HIVEP1: variants seen among roughly 807,000 people sequenced by gnomAD.
HIVEP1 encodes the protein zinc finger protein 40.
Under a neutral mutation model 180.0 loss-of-function variants are expected in HIVEP1, and 36 were observed. That is an observed-to-expected ratio of 0.20 (90% CI 0.15 to 0.26). HIVEP1 has a LOEUF of 0.26. HIVEP1 is among the 10% of genes least tolerant of loss of function. The probability of loss-of-function intolerance (pLI) is 1.00; values close to 1 mark genes in which losing one functional copy is unlikely to be tolerated. For synonymous variants in HIVEP1, 1,239 were observed against 1,239.0 expected (o/e 1.00, Z 0.00); for missense variants, 3,143 against 3,268.7 (o/e 0.96, Z 0.94).
chr6:12,050,016 A>G (rs1158900013), intron 2 of HIVEP1, among the ~76,000 whole-genome samples: 1 of 152,160 alleles, frequency 6.6e-6, no homozygotes, highest in Non-Finnish European at 1.5e-5. Context: ...GGAGGTGCTC[A>G]GAGTCTGCCC....
chr6:12,086,888 G>A (rs1299025448), intron 2 of HIVEP1, among the ~76,000 whole-genome samples: 1 of 152,078 alleles, frequency 6.6e-6, no homozygotes, highest in African/African-American at 2.4e-5. Context: ...AGAGCGTGTA[G>A]TAAATGACTA....
chr6:12,129,615 A>C, intron 4 of HIVEP1, 144 bp from the exon 5 acceptor site: 3 of 721,786 alleles, frequency 4.2e-6, no homozygotes, highest in Non-Finnish European at 5.1e-6. Flanking sequence ...GATAAAGTAA[A>C]TGCCCTTTGA....
intron 3 of HIVEP1, among the ~76,000 whole-genome samples, chr6:12,109,997 A>C (rs893210700): frequency 2.0e-5 from 3 of 152,214 alleles, no homozygotes; most frequent in African/African-American, 7.2e-5. Flanking sequence ...TCATCTTCTT[A>C]TACATCTCCA....
In HIVEP1 at chr6:12,124,658, G is replaced by T; in HGVS notation, c.4863G>T (p.Arg1621Ser). ...ATCCTCTGCTACCACCAGAGCTCAG[G>T]CCCCTTGGAAGTCAGGTGCAGAAGG... ...NSHPLLPPEL[R>S]PLGSQVQKVP... The change falls in exon 4 of 9, where the codon AGG becomes AGT. Residue 1621 changes from arginine (R) to serine (S), a missense_variant. This residue lies in a region of HIVEP1 where 1,357 missense variants were observed against 1,260.5 expected (regional missense o/e 1.08). Coordinates refer to ENST00000379388, the MANE Select transcript of HIVEP1 (RefSeq NM_002114.4). 2 of 1,614,112 alleles carry T rather than the reference G, an allele frequency of 1.2e-6. No individual in the cohort carries two copies. The highest frequency in any genetic ancestry group is 1.1e-5 in the South Asian group (1 of 91,074).
At position 12,095,059 on chromosome 6, in the gene HIVEP1, T is replaced by C. The variant is rs528924436; in HGVS notation, c.94+5822T>C. Among the ~76,000 whole-genome samples the C allele has an allele frequency of 2.6e-5, 4 of 152,176 alleles. 1 individual carries two copies. Among genetic ancestry groups the C allele is most frequent in the African/African-American group, 7.2e-5 (3 of 41,584 alleles). ...ACATCTGTTGGCAAAAAATCAGTCG[T>C]AGTATTTTCTTACTCTCTTTCATTT... On this transcript the variant is annotated intron_variant, in intron 3 of 8. Coordinates refer to ENST00000379388, the MANE Select transcript of HIVEP1 (RefSeq NM_002114.4).
the HIVEP1 span, among the ~76,000 whole-genome samples, chr6:12,177,594 CATT>C: frequency 1.3e-5 from 2 of 152,088 alleles, 1 homozygote; most frequent in South Asian, 4.1e-4. Context: ...AAAGTTCTCT[CATT>C]ATTATTATTG....
chr6:12,170,081 G>A, the HIVEP1 span, among the ~76,000 whole-genome samples: 21 of 151,898 alleles, frequency 1.4e-4, no homozygotes, highest in African/African-American at 1.9e-4. Flanking sequence ...AGATCATGCC[G>A]CTGCACTCCA....
intron 2 of HIVEP1, among the ~76,000 whole-genome samples, chr6:12,043,555 C>T (rs890699106): frequency 1.3e-5 from 2 of 151,746 alleles, no homozygotes; most frequent in African/African-American, 2.4e-5. Context: ...TTGGTAGAGC[C>T]GGGGTTTTAC....
chr6:12,158,593 A>T (rs760808474), intron 7 of HIVEP1, among the ~76,000 whole-genome samples: 3 of 152,142 alleles, frequency 2.0e-5, no homozygotes, highest in Non-Finnish European at 2.9e-5. Context: ...ATTGAGTTAC[A>T]GTCTCGTACC....
the HIVEP1 span, among the ~76,000 whole-genome samples, chr6:12,181,545 G>C: frequency 2.0e-5 from 3 of 151,830 alleles, no homozygotes; most frequent in Non-Finnish European, 4.4e-5. Flanking sequence ...CAAGTAGCTG[G>C]GACTACAGGC....
chr6:12,100,233 G>T (rs140385883), intron 3 of HIVEP1, among the ~76,000 whole-genome samples: 132 of 152,328 alleles, frequency 8.7e-4, no homozygotes, highest in African/African-American at 2.9e-3. Context: ...TCTTGCTGAT[G>T]TAGGGTCAGT....
chr6:12,177,340 A>G, the HIVEP1 span, among the ~76,000 whole-genome samples: 1 of 152,158 alleles, frequency 6.6e-6, no homozygotes, highest in Admixed American at 6.5e-5. Context: ...ATAAAATGAT[A>G]CAAAGGGGCC....
intron 7 of HIVEP1, among the ~76,000 whole-genome samples, chr6:12,142,561 C>CA (rs1393879985): frequency 2.0e-5 from 3 of 150,608 alleles, no homozygotes; most frequent in Admixed American, 6.7e-5. Flanking sequence ...GATAGAGACA[C>CA]AAAAAAACCC....
chr6:12,027,483 TAGGG>T (rs1471630384), intron 2 of HIVEP1, among the ~76,000 whole-genome samples: 1 of 152,236 alleles, frequency 6.6e-6, no homozygotes, highest in Non-Finnish European at 1.5e-5. Context: ...ATTAGATTGT[TAGGG>T]AGCCACCTGT....
At chr6:12,012,622 A>AGGGG (rs1163479157) in intron 1 of HIVEP1, 56 bp downstream of exon 1, 19 of 91,974 alleles carry the variant, frequency 2.1e-4, no homozygotes, top group South Asian at 3.8e-4. Context: ...GGCGGGGCGG[A>AGGGG]GGGGGGGGGG....
chr6:12,043,652 G>C, intron 2 of HIVEP1, among the ~76,000 whole-genome samples: 1 of 152,110 alleles, frequency 6.6e-6, no homozygotes, highest in African/African-American at 2.4e-5. Context: ...CAGGCGTGAG[G>C]CACCGTGCCC....
chr6:12,011,614 C>A (rs1211341192), upstream of HIVEP1, among the ~76,000 whole-genome samples: 1 of 149,944 alleles, frequency 6.7e-6, no homozygotes, highest in East Asian at 2.0e-4. Flanking sequence ...GCGTCCCCCT[C>A]CCGTCCCTGC....
chr6:12,145,272 A>G (rs1015571427), intron 7 of HIVEP1, among the ~76,000 whole-genome samples: 2 of 152,224 alleles, frequency 1.3e-5, no homozygotes, highest in African/African-American at 4.8e-5. Flanking sequence ...ACAAGGACAG[A>G]AAACCAAACA....
chr6:12,129,707 A>G (rs372999335), intron 4 of HIVEP1, 52 bp from the exon 5 acceptor site: 39 of 1,405,934 alleles, frequency 2.8e-5, no homozygotes, highest in Non-Finnish European at 2.8e-5. Context: ...AAAGATTAGC[A>G]TGCTTGTGTT....
Sources: allele counts gnomAD v4.1 joint callset (sites outside exome capture counted in the v4.1 genomes callset), GRCh38; gene constraint gnomAD v4.1.1; regional missense constraint gnomAD v4.1.1; transcripts MANE v1.5; gene names NCBI Gene and HGNC (gene_info 2026-07-23, HGNC 2026-07-21).